The following KIF16B variants were observed in gnomAD, a reference collection of about 807,000 sequenced individuals.
KIF16B encodes the protein kinesin family member 16B, also known as kinesin-like protein KIF16B.
A neutral mutation model predicts 156.3 loss-of-function variants in KIF16B; 98 were observed. That is an observed-to-expected ratio of 0.63 (90% CI 0.53 to 0.74). The LOEUF is 0.74. Ranked by LOEUF, KIF16B falls within the 30% of genes least tolerant of loss-of-function variation. The probability of loss-of-function intolerance (pLI) is 0.00; values close to 1 mark genes in which losing one functional copy is unlikely to be tolerated. For synonymous variants in KIF16B, 564 were observed against 583.7 expected, an observed-to-expected ratio of 0.97 and a Z score of 0.49; for missense variants, 1,421 against 1,606.5, an observed-to-expected ratio of 0.88 and a Z score of 1.97.
intron 12 of KIF16B, among the ~76,000 whole-genome samples, chr20:16,475,571 C>T (rs1224707660): frequency 1.3e-5 from 2 of 152,198 alleles, no homozygotes; most frequent in Non-Finnish European, 2.9e-5. Flanking sequence ...CGGGAACCAA[C>T]GCAGAGGTTA....
chr20:16,409,982 TATATATATATGTAGGTAC>T (rs1568947918), intron 15 of KIF16B, among the ~76,000 whole-genome samples: 3 of 55,554 alleles, frequency 5.4e-5, no homozygotes, highest in African/African-American at 7.4e-5. Context: ...TATATATATA[TATATATATATGTAGGTAC>T]ATATATATAT....
chr20:16,330,480 T>C (rs1037822844), intron 24 of KIF16B, among the ~76,000 whole-genome samples: 3 of 152,218 alleles, frequency 2.0e-5, no homozygotes, highest in Admixed American at 2.0e-4. Context: ...TTTAAGAACA[T>C]TTAAGCAATT....
intron 24 of KIF16B, 94 bp downstream of exon 24, chr20:16,335,832 G>A (rs1346520713): frequency 1.4e-6 from 1 of 731,666 alleles, no homozygotes; most frequent in African/African-American, 1.8e-5. Context: ...CTGAAAGAGA[G>A]AGACAGAGAG....
chr20:16,519,303 G>C lies in KIF16B; in HGVS notation c.232-3639C>G, dbSNP rs1170418444. Among the ~76,000 whole-genome samples, 4 of 152,146 alleles carry C rather than the reference G, an allele frequency of 2.6e-5. No homozygotes were observed. In the East Asian group the frequency reaches 7.8e-4, roughly 29 times the overall value. ...CCTATCTTTCCCTAATTTTTTAAGA[G>C]ACAGGGACTCGCTATATTGCCCAGG... On this transcript the variant is annotated intron_variant, in intron 3 of 25. Coordinates refer to ENST00000354981, the MANE Select transcript of KIF16B (RefSeq NM_024704.5).
chr20:16,554,750 C>T (rs1278169721), intron 1 of KIF16B, among the ~76,000 whole-genome samples: 1 of 152,364 alleles, frequency 6.6e-6, no homozygotes, highest in Admixed American at 6.5e-5. Flanking sequence ...CTGTCACACC[C>T]TCTTTGGGGC....
At chr20:16,555,367 A>G (rs532305647) in intron 1 of KIF16B, among the ~76,000 whole-genome samples, 2 of 152,314 alleles carry the variant, frequency 1.3e-5, no homozygotes, top group South Asian at 4.1e-4. Flanking sequence ...GGTTAGTGGC[A>G]ATGGCAAGAT....
intron 25 of KIF16B, among the ~76,000 whole-genome samples, chr20:16,312,037 A>G (rs1601545980): frequency 6.6e-6 from 1 of 152,196 alleles, no homozygotes; most frequent in Non-Finnish European, 1.5e-5. Context: ...TGTATCACAT[A>G]CCATCTGTCT....
At chr20:16,387,680 T>C (rs950478583) in intron 17 of KIF16B, among the ~76,000 whole-genome samples, 7 of 152,156 alleles carry the variant, frequency 4.6e-5, no homozygotes, top group Admixed American at 3.3e-4. Flanking sequence ...AGAAGGCAAC[T>C]GTACGGACAG....
chr20:16,396,444 A>G (rs77045501), intron 17 of KIF16B, among the ~76,000 whole-genome samples: 15,724 of 152,188 alleles, frequency 0.1, 999 homozygotes, highest in Non-Finnish European at 0.15. Context: ...AGAAAAAATA[A>G]TAAGTGCAAA....
Position 16,273,345 on chromosome 20 carries a change from C to G in KIF16B, c.3862G>C (p.Val1288Leu), listed in dbSNP as rs759560151. 19 of 1,613,798 alleles carry G rather than the reference C, an allele frequency of 1.2e-5. No individual in the cohort carries two copies. The Admixed American group carries it at 3.2e-4, about 27-fold the overall frequency. ...SATSPLHINK[V>L]GLTLSKHTIC... ...GTATGTTTCGAGAGAGTCAGTCCCA[C>G]TTTGTTGATGTGGAGGGGAGATGTT... Residue 1288 changes from valine to leucine, a missense_variant, in exon 26 of 26, where the codon GTG becomes CTG. Val to Leu is a conservative substitution (Grantham distance 32, BLOSUM62 1). Transcript: ENST00000354981.
intron 15 of KIF16B, 66 bp from the exon 16 acceptor site, chr20:16,406,522 C>T: frequency 1.6e-6 from 2 of 1,252,116 alleles, no homozygotes; most frequent in Non-Finnish European, 2.3e-6. Context: ...AATACCATAA[C>T]ATGGAATTCT....
chr20:16,366,764 G>C lies in KIF16B; in HGVS notation c.3498+3822C>G, dbSNP rs189940725. Reference sequence around the variant, plus strand: ...ACTGCTAGACTGGGCACTTTTTCAGGCAGCACAGATTAGCCTGCTGGAATC... The same window carrying C: ...ACTGCTAGACTGGGCACTTTTTCAGCCAGCACAGATTAGCCTGCTGGAATC... On this transcript the variant is annotated intron_variant, in intron 22 of 25. Coordinates refer to ENST00000354981, the MANE Select transcript of KIF16B (RefSeq NM_024704.5). The C allele has an allele frequency of 1.1e-5, 10 of 928,154 alleles. No homozygotes were observed. The Admixed American group carries it at 3.2e-4, about 30-fold the overall frequency. 57.5% of individuals were successfully genotyped at this position (928,154 alleles called of 1,614,324 possible). A position where few individuals can be genotyped will look rare whatever the true frequency, so the allele number is the denominator to read the frequency against.
intron 15 of KIF16B, among the ~76,000 whole-genome samples, chr20:16,408,559 T>C (rs1170776568): frequency 6.6e-6 from 1 of 152,166 alleles, no homozygotes; most frequent in African/African-American, 2.4e-5. Context: ...ATTCTTCTTT[T>C]TTTCTGTTAA....
Position 16,288,905 on chromosome 20 carries a change from T to C in KIF16B, c.3796-15494A>G, listed in dbSNP as rs567526421. On this transcript the variant is annotated intron_variant, in intron 25 of 25. Coordinates refer to ENST00000354981, the MANE Select transcript of KIF16B (RefSeq NM_024704.5). ...ACAGTACGTACTGGCGATGGGTTTA[T>C]TGGGATCCCATCATAAGTGGAGGAG... is the stretch of plus-strand genomic sequence containing the variant. Among the ~76,000 whole-genome samples the C allele has an allele frequency of 2.0e-5, 3 of 149,066 alleles. No individual in the cohort carries two copies. The South Asian group carries it at 6.3e-4, about 32-fold the overall frequency.
At chr20:16,376,169 C>T (rs1600237131) in intron 19 of KIF16B, among the ~76,000 whole-genome samples, 2 of 152,178 alleles carry the variant, frequency 1.3e-5, no homozygotes, top group South Asian at 2.1e-4. Flanking sequence ...CTATTATCAT[C>T]GTCATTGTTA....
chr20:16,381,765 A>C lies in KIF16B; in HGVS notation c.1785-18T>G. 6.2e-7 allele frequency: 1 copy of C among 1,601,376 alleles called. No individual in the cohort carries two copies. Among genetic ancestry groups the C allele is most frequent in the Non-Finnish European group, 8.5e-7 (1 of 1,170,562 alleles). ...ATTCAAGTCTAATAAAATCAAATGA[A>C]AATGAGTCACTTTTCTAAAGAGCTT... On this transcript the variant is annotated intron_variant, in intron 17 of 25. Coordinates refer to ENST00000354981, the MANE Select transcript of KIF16B (RefSeq NM_024704.5).
At chr20:16,494,472 T>A (rs1416686335) in intron 11 of KIF16B, 122 bp from the exon 12 acceptor site, 1 of 590,614 alleles carries the variant, frequency 1.7e-6, no homozygotes, top group Non-Finnish European at 2.9e-6. Context: ...AGATCGCGAC[T>A]TTTACCCCTG....
intron 22 of KIF16B, chr20:16,369,249 T>G (rs1017160343): frequency 1.0e-6 from 1 of 985,720 alleles, no homozygotes; most frequent in Admixed American, 6.1e-5. Flanking sequence ...GATACCATGC[T>G]GGGCAAAACT....
intron 17 of KIF16B, chr20:16,382,171 G>C: frequency 1.1e-5 from 13 of 1,234,138 alleles, no homozygotes; most frequent in African/African-American, 1.6e-5. Context: ...GAGAGAGAGA[G>C]CACAGACATC....
Sources: gnomAD v4.1 joint callset for allele counts (sites outside exome capture counted in the v4.1 genomes callset) on GRCh38, gnomAD v4.1.1 for gene constraint, MANE v1.5 for transcripts, NCBI Gene and HGNC (gene_info 2026-07-23, HGNC 2026-07-21) for gene names.